Variants in BMP5 observed in about 807,000 individuals in gnomAD.
BMP5 encodes bone morphogenetic protein 5.
BMP5 carries 23 observed loss-of-function variants against 46.6 expected under a neutral mutation model. That is an observed-to-expected ratio of 0.49 (90% CI 0.35 to 0.70). BMP5 has a LOEUF of 0.70. Ranked by LOEUF, BMP5 falls within the 30% of genes least tolerant of loss-of-function variation. BMP5 has a pLI of 0.00. For synonymous variants in BMP5, 204 were observed against 191.9 expected, an observed-to-expected ratio of 1.06 and a Z score of -0.52; for missense variants, 545 against 565.6, an observed-to-expected ratio of 0.96 and a Z score of 0.37.
chr6:55,812,001 T>C (rs1776148097), intron 2 of BMP5, among the ~76,000 whole-genome samples: 1 of 152,192 alleles, frequency 6.6e-6, no homozygotes, highest in African/African-American at 2.4e-5. Flanking sequence ...CTCGGCCTTA[T>C]GTCCTCTGTG....
intron 2 of BMP5, among the ~76,000 whole-genome samples, chr6:55,794,705 T>C (rs1775663332): frequency 6.6e-6 from 1 of 152,162 alleles, no homozygotes. Flanking sequence ...TGCTCTTAAT[T>C]TGATCCCTGG....
chr6:55,780,413 G>C (rs1775281694), intron 3 of BMP5, among the ~76,000 whole-genome samples: 1 of 124,994 alleles, frequency 8.0e-6, no homozygotes, highest in African/African-American at 3.1e-5. Context: ...AAGGTCAGAA[G>C]ATCGAGACCA....
intron 3 of BMP5, among the ~76,000 whole-genome samples, chr6:55,781,071 G>T (rs2127524142): frequency 6.6e-6 from 1 of 152,166 alleles, no homozygotes; most frequent in Non-Finnish European, 1.5e-5. Flanking sequence ...CTCCACAAAA[G>T]CACTTACTTT....
intron 2 of BMP5, among the ~76,000 whole-genome samples, chr6:55,806,354 G>C (rs113817004): frequency 5.8e-4 from 88 of 152,188 alleles, no homozygotes; most frequent in African/African-American, 2.1e-3. Context: ...GTTTTTGTCT[G>C]GTTTGTTGAC....
rs182529263 is a variant in BMP5 at position 55,789,455 on chromosome 6, G to A, written c.832+4824C>T. On this transcript the variant is annotated intron_variant, in intron 3 of 6. Coordinates refer to ENST00000370830, the MANE Select transcript of BMP5 (RefSeq NM_021073.4). ...TATAGTGTTTGGGGGGAAAACTCAA[G>A]TCTTTAAAGTTAGATTAAATTGCTA... 8.3e-4 allele frequency among the ~76,000 whole-genome samples: 126 copies of A among 152,040 alleles called. 1 individual carries two copies. The highest frequency in any genetic ancestry group is 3.0e-3 in the African/African-American group (125 of 41,538).
chr6:55,873,327 A>C (rs1381751207), intron 1 of BMP5, among the ~76,000 whole-genome samples: 1 of 152,000 alleles, frequency 6.6e-6, no homozygotes, highest in Non-Finnish European at 1.5e-5. Context: ...TAAAAGCTAT[A>C]ACATCATAAA....
intron 6 of BMP5, among the ~76,000 whole-genome samples, chr6:55,758,607 T>A (rs2127514753): frequency 6.6e-6 from 1 of 152,050 alleles, no homozygotes; most frequent in Middle Eastern, 3.4e-3. Context: ...TTATAGAACA[T>A]TCTTAAATAA....
At position 55,754,570 on chromosome 6, in the gene BMP5, A is replaced by C. The variant is rs1382012941; in HGVS notation, c.*963T>G. 1 of 151,950 alleles carries C rather than the reference A, an allele frequency of 6.6e-6. No individual in the cohort carries two copies. The highest frequency in any genetic ancestry group is 1.5e-5 in the Non-Finnish European group (1 of 67,928). The allele number at this position is 151,950 out of a possible 1,614,324, so 9.4% of individuals were successfully genotyped here. A position where few individuals can be genotyped will look rare whatever the true frequency, so the allele number is the denominator to read the frequency against. On this transcript the variant is annotated 3_prime_UTR_variant, in exon 7 of 7. Coordinates refer to ENST00000370830, the MANE Select transcript of BMP5 (RefSeq NM_021073.4). ...TAAATAAAATCCCTTGCATCACATC[A>C]ATCAGCAAACTCAGTTATAAAGGAG...
intron 3 of BMP5, among the ~76,000 whole-genome samples, chr6:55,782,087 A>G (rs1393502559): frequency 6.6e-6 from 1 of 152,110 alleles, no homozygotes; most frequent in East Asian, 1.9e-4. Flanking sequence ...GAGATACCTA[A>G]TGTAATATGC....
intron 1 of BMP5, among the ~76,000 whole-genome samples, chr6:55,851,813 TCC>T (rs1562070672): frequency 6.6e-6 from 1 of 152,060 alleles, no homozygotes; most frequent in East Asian, 1.9e-4. Flanking sequence ...AAATCTACAT[TCC>T]CTCTAGTAAA....
At chr6:55,870,026 G>T (rs1249569179) in intron 1 of BMP5, among the ~76,000 whole-genome samples, 1 of 151,988 alleles carries the variant, frequency 6.6e-6, no homozygotes, top group Admixed American at 6.6e-5. Flanking sequence ...AGGAGGAAAG[G>T]CCAAAAAATA....
chr6:55,812,741 A>C (rs959104144), intron 2 of BMP5, among the ~76,000 whole-genome samples: 1 of 152,204 alleles, frequency 6.6e-6, no homozygotes, highest in Non-Finnish European at 1.5e-5. Context: ...AGCCAGAGGT[A>C]CTAGTTCCTT....
intron 3 of BMP5, among the ~76,000 whole-genome samples, chr6:55,780,197 T>G (rs934313375): frequency 7.4e-6 from 1 of 135,804 alleles, no homozygotes; most frequent in Non-Finnish European, 1.5e-5. Flanking sequence ...AAGCATAGGA[T>G]TCTGTGGCTC....
Position 55,755,520 on chromosome 6 carries a change from A to G in BMP5, c.*13T>C, listed in dbSNP as rs1582038251. The G allele has an allele frequency of 1.3e-6, 2 of 1,599,338 alleles. No homozygotes were observed. Among genetic ancestry groups the G allele is most frequent in the Non-Finnish European group, 8.6e-7 (1 of 1,167,858 alleles). ...AATACAGATCTTTTTGTTATTATCAATATTATTTAATATTAGTGGCAGCCA... is the reference window on the plus strand; with the variant it reads ...AATACAGATCTTTTTGTTATTATCAGTATTATTTAATATTAGTGGCAGCCA... On this transcript the variant is annotated 3_prime_UTR_variant, in exon 7 of 7. Transcript: ENST00000370830.
chr6:55,855,157 G>T (rs757726404), intron 1 of BMP5, among the ~76,000 whole-genome samples: 1 of 152,116 alleles, frequency 6.6e-6, no homozygotes, highest in Admixed American at 6.6e-5. Context: ...TTTTTAATGA[G>T]GTGCGTGGGG....
chr6:55,856,152 T>C (rs933088167), intron 1 of BMP5, among the ~76,000 whole-genome samples: 2 of 152,214 alleles, frequency 1.3e-5, no homozygotes, highest in Non-Finnish European at 2.9e-5. Context: ...TATAGCCCTT[T>C]GGGTCTGGTA....
Position 55,819,109 on chromosome 6 carries a change from G to T in BMP5, c.683+546C>A, listed in dbSNP as rs79980249. On this transcript the variant is annotated intron_variant, in intron 2 of 6. Coordinates refer to ENST00000370830, the MANE Select transcript of BMP5 (RefSeq NM_021073.4). ...CTGATATTTAACACTTATTTTCAAT[G>T]GTTCATTTGCAGTCATTATCAACTG... Among the ~76,000 whole-genome samples the T allele has an allele frequency of 9.8e-3, 1,489 of 152,136 alleles. 19 individuals carry two copies. The highest frequency in any genetic ancestry group is 0.034 in the African/African-American group (1,399 of 41,522).
At chr6:55,838,212 C>T (rs902688215) in intron 1 of BMP5, among the ~76,000 whole-genome samples, 7 of 152,156 alleles carry the variant, frequency 4.6e-5, no homozygotes, top group Non-Finnish European at 8.8e-5. Flanking sequence ...TTCAAGGAAC[C>T]TCCAAACTGT....
chr6:55,780,085 T>TA (rs998436974), intron 3 of BMP5, among the ~76,000 whole-genome samples: 38 of 149,624 alleles, frequency 2.5e-4, no homozygotes, highest in Middle Eastern at 3.5e-3. Context: ...AAGAGTAATC[T>TA]AAAAAAAAAG....
Sources: allele counts gnomAD v4.1 joint callset (sites outside exome capture counted in the v4.1 genomes callset), GRCh38; gene constraint gnomAD v4.1.1; transcripts MANE v1.5; gene names NCBI Gene and HGNC (gene_info 2026-07-23, HGNC 2026-07-21).